Variants in MMACHC observed in about 807,000 individuals in gnomAD.
MMACHC encodes the protein metabolism of cobalamin associated C.
Under a neutral mutation model 17.6 loss-of-function variants are expected in MMACHC, and 14 were observed. The observed-to-expected ratio is 0.80, with a 90% confidence interval of 0.53 to 1.25. The LOEUF (loss-of-function observed/expected upper bound fraction) is 1.25. Ranked by LOEUF, MMACHC falls within the 50% of genes most tolerant of loss-of-function variation. The pLI is 0.00. For synonymous variants in MMACHC, 151 were observed against 142.1 expected, an observed-to-expected ratio of 1.06 and a Z score of -0.45; for missense variants, 392 against 364.5, an observed-to-expected ratio of 1.08 and a Z score of -0.62.
chr1:45,503,065 T>C (rs1643568936), intron 1 of MMACHC, among the ~76,000 whole-genome samples: 1 of 152,176 alleles, frequency 6.6e-6, no homozygotes, highest in Non-Finnish European at 1.5e-5. Context: ...GCACTAGCTA[T>C]AGTACAGTCA....
At position 45,507,342 on chromosome 1, in the gene MMACHC, ACTTT is replaced by A. The variant is rs751236442; in HGVS notation, c.82-11_82-8del. The A allele has an allele frequency of 2.2e-5, 36 of 1,613,788 alleles. No individual in the cohort carries two copies. The highest frequency in any genetic ancestry group is 3.0e-5 in the Non-Finnish European group (35 of 1,179,950). ...ACTGGCCCTCTCCAGCCTGGCCTGA[ACTTT>A]CTGTTTCAGGTGGCATGGTACAATG... On this transcript the variant is annotated splice_polypyrimidine_tract_variant and intron_variant, in intron 1 of 3. Transcript: ENST00000401061.
At position 45,512,256 on chromosome 1, in the gene MMACHC, T is replaced by C. The variant is rs1279608328; in HGVS notation, c.*3041T>C. The C allele has an allele frequency of 6.6e-6, 1 of 150,672 alleles. No individual in the cohort carries two copies. The highest frequency in any genetic ancestry group is 2.4e-5 in the African/African-American group (1 of 41,102). The allele number at this position is 150,672 out of a possible 1,614,324, so 9.3% of individuals were successfully genotyped here. On this transcript the variant is annotated 3_prime_UTR_variant, in exon 4 of 4. Coordinates refer to ENST00000401061, the MANE Select transcript of MMACHC (RefSeq NM_015506.3). Reference sequence around the variant, plus strand: ...GCCCACCACCACACCTGGCTAATTTTTGAGACAGTCTCACATTGTCGCCCA... The same window carrying C: ...GCCCACCACCACACCTGGCTAATTTCTGAGACAGTCTCACATTGTCGCCCA...
rs1381751402 is a variant in MMACHC, at chr1:45,500,808, G to C, written c.81+395G>C. ...GAACCCATGAGACGGAGGTTGCAGT[G>C]AGCCGAGATTGCGCCATTGCAGTCC... On this transcript the variant is annotated intron_variant, in intron 1 of 3. Transcript: ENST00000401061. 2.7e-5 allele frequency among the ~76,000 whole-genome samples: 4 copies of C among 146,670 alleles called. No individual in the cohort carries two copies. The Admixed American group carries it at 2.8e-4, about 10-fold the overall frequency.
Position 45,511,892 on chromosome 1 carries a change from C to T in MMACHC, c.*2677C>T, listed in dbSNP as rs1643755274. 1 of 152,150 alleles carries T rather than the reference C, an allele frequency of 6.6e-6. No homozygotes were observed. The highest frequency in any genetic ancestry group is 2.4e-5 in the African/African-American group (1 of 41,366). 9.4% of individuals were successfully genotyped at this position (152,150 alleles called of 1,614,324 possible). A position where few individuals can be genotyped will look rare whatever the true frequency, so the allele number is the denominator to read the frequency against. The stretch of plus-strand genomic sequence containing the variant: ...AAGGATCAAGAACTTAACAGAAGCC[C>T]CCGCTTGTTTCATTAAGTAACTGCC... On this transcript the variant is annotated 3_prime_UTR_variant, in exon 4 of 4. Coordinates refer to ENST00000401061, the MANE Select transcript of MMACHC (RefSeq NM_015506.3).
chr1:45,508,060 A>G (rs1014593753), intron 2 of MMACHC, 152 bp from the exon 3 acceptor site: 34 of 900,216 alleles, frequency 3.8e-5, no homozygotes, highest in Non-Finnish European at 4.9e-5. Flanking sequence ...AACTATAACT[A>G]TGTCCACACT....
intron 1 of MMACHC, among the ~76,000 whole-genome samples, chr1:45,505,216 A>G (rs1248363204): frequency 6.6e-6 from 1 of 150,650 alleles, no homozygotes; most frequent in East Asian, 2.0e-4. Context: ...TGGGAGGCCG[A>G]TGCAGGTGGA....
At position 45,508,372 on chromosome 1, in the gene MMACHC, G is replaced by A; in HGVS notation, c.429+8G>A. ...GACCCATGGGGGAACCAGGTGAGAGGGAAAATGTAAATAGAGGCTGAGATA... is the reference window on the plus strand; with the variant it reads ...GACCCATGGGGGAACCAGGTGAGAGAGAAAATGTAAATAGAGGCTGAGATA... On this transcript the variant is annotated splice_region_variant and intron_variant, in intron 3 of 3. Transcript: ENST00000401061. 1.2e-6 allele frequency: 2 copies of A among 1,614,084 alleles called. No individual in the cohort carries two copies. The highest frequency in any genetic ancestry group is 1.7e-6 in the Non-Finnish European group (2 of 1,179,998).
chr1:45,507,346 T>C lies in MMACHC; in HGVS notation c.82-10T>C, dbSNP rs778416032. 31 of 1,613,776 alleles carry C rather than the reference T, an allele frequency of 1.9e-5. No individual in the cohort carries two copies. Among genetic ancestry groups the C allele is most frequent in the Admixed American group, 3.3e-5 (2 of 59,998 alleles). On this transcript the variant is annotated splice_polypyrimidine_tract_variant and intron_variant, in intron 1 of 3. Transcript: ENST00000401061. ...GCCCTCTCCAGCCTGGCCTGAACTTTCTGTTTCAGGTGGCATGGTACAATG... is the reference window on the plus strand; with the variant it reads ...GCCCTCTCCAGCCTGGCCTGAACTTCCTGTTTCAGGTGGCATGGTACAATG...
At position 45,508,882 on chromosome 1, in the gene MMACHC, A is replaced by G; in HGVS notation, c.516A>G (p.Pro172=). The G allele has an allele frequency of 6.2e-7, 1 of 1,614,200 alleles. No individual in the cohort carries two copies. Among genetic ancestry groups the G allele is most frequent in the Non-Finnish European group, 8.5e-7 (1 of 1,180,036 alleles). ...TGCTGCTGCCAGGGATAGAGGTGCCAGATCTGCCACCCAGAAAACCTCATG... is the reference window on the plus strand; with the variant it reads ...TGCTGCTGCCAGGGATAGAGGTGCCGGATCTGCCACCCAGAAAACCTCATG... ...GVVLLPGIEV[P]DLPPRKPHDC... Residue 172 remains proline (P), a synonymous_variant, in exon 4 of 4, where the codon CCA becomes CCG. Transcript: ENST00000401061.
chr1:45,502,209 T>C (rs568417722), intron 1 of MMACHC, among the ~76,000 whole-genome samples: 1 of 152,156 alleles, frequency 6.6e-6, no homozygotes, highest in Non-Finnish European at 1.5e-5. Flanking sequence ...AACTAGACAA[T>C]TCTCAAATAT....
chr1:45,502,423 A>C (rs1271155212), intron 1 of MMACHC, among the ~76,000 whole-genome samples: 2 of 151,916 alleles, frequency 1.3e-5, no homozygotes, highest in Non-Finnish European at 2.9e-5. Context: ...ATGCACCAAC[A>C]CTCAGGGTCT....
intron 1 of MMACHC, among the ~76,000 whole-genome samples, chr1:45,504,274 G>T (rs966726062): frequency 1.3e-5 from 2 of 152,120 alleles, no homozygotes; most frequent in African/African-American, 4.8e-5. Context: ...AAATGAGCCA[G>T]GTTTGCTGGC....
intron 3 of MMACHC, 22 bp downstream of exon 3, chr1:45,508,386 G>C: frequency 6.2e-7 from 1 of 1,613,946 alleles, no homozygotes; most frequent in Non-Finnish European, 8.5e-7. Context: ...AATGTAAATA[G>C]AGGCTGAGAT....
At chr1:45,502,076 C>G (rs746134217) in intron 1 of MMACHC, among the ~76,000 whole-genome samples, 4 of 152,190 alleles carry the variant, frequency 2.6e-5, no homozygotes, top group Non-Finnish European at 5.9e-5. Context: ...TGGCTCTTCA[C>G]TGTCACCAAA....
rs1347498294 is a variant in MMACHC at position 45,508,318 on chromosome 1, AC to A, written c.384del (p.Tyr129ThrfsTer35). On this transcript the variant is annotated frameshift_variant, in exon 3 of 4. Coordinates refer to ENST00000401061, the MANE Select transcript of MMACHC (RefSeq NM_015506.3). LOFTEE classifies it low-confidence loss of function (END_TRUNC). ...GCAGCCCATGTAGCTGGGGCTGCTT[AC>A]TACTACCAACGACAAGATGTGGAGG... The part of the protein sequence containing the change: ...QTAAHVAGAA[Y>X]YYQRQDVEAD... The A allele has an allele frequency of 6.2e-7, 1 of 1,614,080 alleles. No individual in the cohort carries two copies. Among genetic ancestry groups the A allele is most frequent in the African/African-American group, 1.3e-5 (1 of 75,052 alleles).
chr1:45,513,303 C>T lies in MMACHC; in HGVS notation c.*4088C>T, dbSNP rs576653473. 1 of 152,282 alleles carries T rather than the reference C, an allele frequency of 6.6e-6. No individual in the cohort carries two copies. The highest frequency in any genetic ancestry group is 1.9e-4 in the East Asian group (1 of 5,182). 9.4% of individuals were successfully genotyped at this position (152,282 alleles called of 1,614,324 possible). A position where few individuals can be genotyped will look rare whatever the true frequency, so the allele number is the denominator to read the frequency against. On this transcript the variant is annotated 3_prime_UTR_variant, in exon 4 of 4. Transcript: ENST00000401061. ...TCATCCTACATTCAGTAAGTTAGAT[C>T]TTTGGGAGTGACTGATTCTAAATGA... is the stretch of plus-strand genomic sequence containing the variant.
intron 3 of MMACHC, 25 bp from the exon 4 acceptor site, chr1:45,508,771 T>C (rs1557608335): frequency 1.2e-6 from 2 of 1,609,108 alleles, no homozygotes; most frequent in Non-Finnish European, 1.7e-6. Flanking sequence ...CTCCATGACC[T>C]TGCTTTTCTT....
intron 1 of MMACHC, among the ~76,000 whole-genome samples, chr1:45,500,934 T>A (rs559249072): frequency 6.6e-6 from 1 of 151,950 alleles, no homozygotes; most frequent in East Asian, 1.9e-4. Flanking sequence ...CCGGATTCGT[T>A]AACGGGAGAC....
chr1:45,501,905 TC>T (rs1643552707), intron 1 of MMACHC, among the ~76,000 whole-genome samples: 1 of 151,930 alleles, frequency 6.6e-6, no homozygotes, highest in South Asian at 2.1e-4. Context: ...CCAAATCCAT[TC>T]CCTTGTATTC....
Sources: gnomAD v4.1 joint callset for allele counts (sites outside exome capture counted in the v4.1 genomes callset) on GRCh38, gnomAD v4.1.1 for gene constraint, MANE v1.5 for transcripts, NCBI Gene and HGNC (gene_info 2026-07-23, HGNC 2026-07-21) for gene names.